CADM2: variants seen among roughly 807,000 people sequenced by gnomAD.
CADM2 encodes the protein cell adhesion molecule 2, also known as immunoglobulin superfamily member 4D.
A neutral mutation model predicts 49.8 loss-of-function variants in CADM2; 12 were observed. The observed-to-expected ratio is 0.24, with a 90% CI of 0.15 to 0.39. The LOEUF (loss-of-function observed/expected upper bound fraction) is 0.39. Ranked by LOEUF, CADM2 falls within the 10% of genes least tolerant of loss-of-function variation. The pLI, the probability that CADM2 is intolerant of heterozygous loss-of-function variation, is 1.00. For synonymous variants in CADM2, 214 were observed against 175.4 expected (o/e 1.22, Z -1.74); for missense variants, 378 against 492.3 (o/e 0.77, Z 2.20).
intron 1 of CADM2, among the ~76,000 whole-genome samples, chr3:85,513,117 A>G (rs2060810748): frequency 6.6e-6 from 1 of 152,066 alleles, no homozygotes; most frequent in Non-Finnish European, 1.5e-5. Flanking sequence ...ATTATTTTAA[A>G]TTTAGCCTGC....
At chr3:85,798,651 A>G (rs769049810) in intron 2 of CADM2, among the ~76,000 whole-genome samples, 1 of 152,208 alleles carries the variant, frequency 6.6e-6, no homozygotes, top group Admixed American at 6.5e-5. Flanking sequence ...TGCCAGTACC[A>G]TGCTGTTTTG....
intron 1 of CADM2, among the ~76,000 whole-genome samples, chr3:85,601,928 A>T (rs1458407143): frequency 6.6e-6 from 1 of 151,826 alleles, no homozygotes; most frequent in East Asian, 1.9e-4. Context: ...TTTAAAATAG[A>T]TGCAAAGTCA....
chr3:85,853,313 CA>C (rs2075177651), intron 3 of CADM2, among the ~76,000 whole-genome samples: 2 of 151,770 alleles, frequency 1.3e-5, no homozygotes, highest in Admixed American at 6.6e-5. Context: ...ACAACAACAA[CA>C]ACAACACAAA....
chr3:85,060,563 T>G (rs1305630836), intron 1 of CADM2, among the ~76,000 whole-genome samples: 1 of 152,230 alleles, frequency 6.6e-6, no homozygotes, highest in African/African-American at 2.4e-5. Flanking sequence ...TATTTTAAGC[T>G]TTAAGTATTT....
chr3:85,943,329 C>G (rs1355332279), intron 7 of CADM2, among the ~76,000 whole-genome samples: 1 of 136,932 alleles, frequency 7.3e-6, no homozygotes, highest in Admixed American at 7.5e-5. Context: ...TGCAGAAGGT[C>G]TTTAGTTTAA....
chr3:85,321,118 T>TATATATA (rs1559778046), intron 1 of CADM2, among the ~76,000 whole-genome samples: 2 of 9,224 alleles, frequency 2.2e-4, no homozygotes, highest in Non-Finnish European at 3.9e-4. Flanking sequence ...ATATATATAT[T>TATATATA]TTTTTTTTTT....
chr3:85,378,959 G>T (rs576717405), intron 1 of CADM2, among the ~76,000 whole-genome samples: 4 of 151,896 alleles, frequency 2.6e-5, no homozygotes, highest in Non-Finnish European at 5.9e-5. Flanking sequence ...AAATCGTATT[G>T]ACTAGTATTT....
chr3:85,126,018 T>C (rs891665149), intron 1 of CADM2, among the ~76,000 whole-genome samples: 2 of 152,308 alleles, frequency 1.3e-5, no homozygotes, highest in East Asian at 1.9e-4. Context: ...GAAAGTAGTT[T>C]ATACCAGACT....
intron 1 of CADM2, among the ~76,000 whole-genome samples, chr3:85,114,396 G>T (rs578082009): frequency 1.3e-5 from 2 of 152,206 alleles, no homozygotes; most frequent in East Asian, 3.9e-4. Flanking sequence ...ACAGGTAGTT[G>T]GTTCTCTTGT....
chr3:85,911,522 G>A (rs1346336211), intron 5 of CADM2, among the ~76,000 whole-genome samples: 1 of 152,154 alleles, frequency 6.6e-6, no homozygotes, highest in Non-Finnish European at 1.5e-5. Context: ...ATATACTTAA[G>A]TATTCAAAAT....
At position 85,443,592 on chromosome 3, in the gene CADM2, A is replaced by G. The variant is rs551375478; in HGVS notation, c.62-282930A>G. 2.6e-5 allele frequency among the ~76,000 whole-genome samples: 4 copies of G among 151,910 alleles called. No individual in the cohort carries two copies. The South Asian group carries it at 8.3e-4, about 32-fold the overall frequency. On this transcript the variant is annotated intron_variant, in intron 1 of 9. Coordinates refer to ENST00000383699, the MANE Select transcript of CADM2 (RefSeq NM_001167675.2). ...TCCACATTGTTAAATCAACTTTTCT[A>G]TTTCTCATTTTTCATATTTCTTATT...
rs114762383 is a variant in CADM2 at position 85,174,632 on chromosome 3, G to A, written c.61+214964G>A. Among the ~76,000 whole-genome samples the A allele has an allele frequency of 6.9e-3, 1,051 of 151,956 alleles. 11 individuals are homozygous for A. Among genetic ancestry groups the A allele is most frequent in the African/African-American group, 0.023 (961 of 41,464 alleles). On this transcript the variant is annotated intron_variant, in intron 1 of 9. Coordinates refer to ENST00000383699, the MANE Select transcript of CADM2 (RefSeq NM_001167675.2). The stretch of plus-strand genomic sequence containing the variant: ...AATGAAATTCAACTAATATTATTTT[G>A]CCTTTTAATTGCTACTTACTTAATA...
At chr3:85,953,760 T>A (rs991300484) in intron 7 of CADM2, among the ~76,000 whole-genome samples, 7 of 150,818 alleles carry the variant, frequency 4.6e-5, no homozygotes, top group Non-Finnish European at 8.9e-5. Flanking sequence ...CAGATGTTTT[T>A]ATAGATAATT....
At chr3:85,113,001 A>G (rs375283702) in intron 1 of CADM2, among the ~76,000 whole-genome samples, 3 of 151,936 alleles carry the variant, frequency 2.0e-5, no homozygotes, top group African/African-American at 7.2e-5. Flanking sequence ...ACACTTCTGG[A>G]TTTAGTTGCT....
intron 8 of CADM2, among the ~76,000 whole-genome samples, chr3:86,055,184 T>C (rs1737773640): frequency 6.6e-6 from 1 of 152,200 alleles, no homozygotes; most frequent in African/African-American, 2.4e-5. Flanking sequence ...TATTTGCATA[T>C]TTATTGAACA....
intron 1 of CADM2, among the ~76,000 whole-genome samples, chr3:85,675,100 C>A (rs2065853634): frequency 6.6e-6 from 1 of 152,094 alleles, no homozygotes; most frequent in Non-Finnish European, 1.5e-5. Context: ...TTACTTCAGT[C>A]TTAACTCCAG....
intron 1 of CADM2, among the ~76,000 whole-genome samples, chr3:85,346,044 A>T (rs1476240499): frequency 1.3e-5 from 2 of 152,190 alleles, no homozygotes; most frequent in African/African-American, 4.8e-5. Context: ...CTGGTCTTAC[A>T]ACTTTTCTGT....
At chr3:85,113,642 A>T (rs2107575069) in intron 1 of CADM2, among the ~76,000 whole-genome samples, 1 of 151,958 alleles carries the variant, frequency 6.6e-6, no homozygotes, top group Admixed American at 6.6e-5. Flanking sequence ...AAATGTAATT[A>T]AAGCAATTTT....
At chr3:85,838,076 A>G (rs900346334) in intron 3 of CADM2, among the ~76,000 whole-genome samples, 1 of 151,746 alleles carries the variant, frequency 6.6e-6, no homozygotes, top group Non-Finnish European at 1.5e-5. Context: ...ATATTTTAGA[A>G]TCACTTCATC....
Sources: allele counts gnomAD v4.1 joint callset (sites outside exome capture counted in the v4.1 genomes callset), GRCh38; gene constraint gnomAD v4.1.1; transcripts MANE v1.5; gene names NCBI Gene and HGNC (gene_info 2026-07-23, HGNC 2026-07-21).